ATXN10: variants seen among roughly 807,000 people sequenced by gnomAD.
ATXN10 encodes ataxin-10.
In ATXN10, 28 loss-of-function variants were observed where a neutral mutation model predicts 52.9. That is an observed-to-expected ratio of 0.53 (90% CI 0.39 to 0.73). The LOEUF (loss-of-function observed/expected upper bound fraction) is 0.73, where lower values mean the gene tolerates loss of function less well. ATXN10 is among the 30% of genes least tolerant of loss of function. ATXN10 has a pLI of 0.00. For synonymous variants in ATXN10, 226 were observed against 221.5 expected (o/e 1.02, Z -0.18); for missense variants, 565 against 577.0 (o/e 0.98, Z 0.21).
At position 45,819,808 on chromosome 22, in the gene ATXN10, T is replaced by C. The variant is rs915410380; in HGVS notation, c.1237+12786T>C. On this transcript the variant is annotated intron_variant, in intron 10 of 11. Coordinates refer to ENST00000252934, the MANE Select transcript of ATXN10 (RefSeq NM_013236.4). The surrounding 1 kb of genome is among the most constrained non-coding windows in gnomAD (Gnocchi z 4.5). ...AAAACAGCAGTGACTTTTGGATACG[T>C]TGAGAAAGTTAATACCTTTTTAAAT... 6.6e-6 allele frequency among the ~76,000 whole-genome samples: 1 copy of C among 152,244 alleles called. No homozygotes were observed. Among genetic ancestry groups the C allele is most frequent in the Non-Finnish European group, 1.5e-5 (1 of 68,054 alleles).
rs1311708053 is a variant in ATXN10 at position 45,740,727 on chromosome 22, T to TACAC, written c.1173+198_1173+201dup. ...ACACACACACACACACACATATATA[T>TACAC]ACACACACACACGTGTGTGTGTGTG... On this transcript the variant is annotated intron_variant, in intron 9 of 11. Coordinates refer to ENST00000252934, the MANE Select transcript of ATXN10 (RefSeq NM_013236.4). The TACAC allele has an allele frequency of 8.2e-5, 31 of 379,942 alleles. 1 individual carries two copies. Among genetic ancestry groups the TACAC allele is most frequent in the African/African-American group, 3.0e-4 (11 of 36,196 alleles). The allele number at this position is 379,942 out of a possible 1,614,324, so 23.5% of individuals were successfully genotyped here.
chr22:45,764,936 A>AT lies in ATXN10; in HGVS notation c.1173+24399dup, dbSNP rs148869441. ...TTCTGAACCTTTTCACATCTTCAGT[A>AT]TATGCTCTTCATTTTTCAATCAGTT... On this transcript the variant is annotated intron_variant, in intron 9 of 11. Coordinates refer to ENST00000252934, the MANE Select transcript of ATXN10 (RefSeq NM_013236.4). Among the ~76,000 whole-genome samples, 374 of 152,270 alleles carry AT rather than the reference A, an allele frequency of 2.5e-3. 1 individual carries two copies. Among genetic ancestry groups the AT allele is most frequent in the African/African-American group, 8.7e-3 (360 of 41,536 alleles).
rs371842399 is a variant in ATXN10, at chr22:45,740,402, A to C, written c.1037A>C (p.Glu346Ala). Residue 346 changes from glutamate (E) to alanine (A), a missense_variant, in exon 9 of 12, where the codon GAA (glutamate) becomes GCA (alanine). Glu to Ala is a moderately radical substitution (Grantham distance 107, BLOSUM62 -1). Transcript: ENST00000252934. ...CGGGTGATTCATGTAGCTGGAAAAG[A>C]AACCACAAACATCTTCAGTAATTGT... ...LLRVIHVAGK[E>A]TTNIFSNCGC... 1.2e-6 allele frequency: 2 copies of C among 1,613,964 alleles called. No homozygotes were observed. Among genetic ancestry groups the C allele is most frequent in the Non-Finnish European group, 1.7e-6 (2 of 1,179,910 alleles).
intron 10 of ATXN10, among the ~76,000 whole-genome samples, chr22:45,814,837 G>A (rs962619601): frequency 6.6e-6 from 1 of 152,164 alleles, no homozygotes; most frequent in Non-Finnish European, 1.5e-5. Context: ...TCATAGGAGC[G>A]TGAACCCTAT....
chr22:45,755,420 C>A (rs1000843337), intron 9 of ATXN10, among the ~76,000 whole-genome samples: 1 of 152,166 alleles, frequency 6.6e-6, no homozygotes, highest in African/African-American at 2.4e-5. Context: ...CCTCAAGAGA[C>A]CAAGGAGGAG....
At chr22:45,755,780 G>A (rs774215688) in intron 9 of ATXN10, among the ~76,000 whole-genome samples, 21 of 152,190 alleles carry the variant, frequency 1.4e-4, no homozygotes, top group Admixed American at 2.6e-4. Flanking sequence ...CTCACTGTGT[G>A]TCAGGTACTC....
rs373641794 is a variant in ATXN10 at position 45,789,614 on chromosome 22, G to A, written c.1174-17345G>A. Among the ~76,000 whole-genome samples, 3 of 152,226 alleles carry A rather than the reference G, an allele frequency of 2.0e-5. No homozygotes were observed. The highest frequency in any genetic ancestry group is 7.2e-5 in the African/African-American group (3 of 41,458). Reference sequence around the variant, plus strand: ...AGTTAGGGGTTAGTATGTTAATACAGCTCTCTCCACGACAAGAAGAAGAGA... The same window carrying A: ...AGTTAGGGGTTAGTATGTTAATACAACTCTCTCCACGACAAGAAGAAGAGA... On this transcript the variant is annotated intron_variant, in intron 9 of 11. Transcript: ENST00000252934. This position sits in a 1 kb window ranked among gnomAD's most constrained non-coding sequence, Gnocchi z 4.0.
intron 10 of ATXN10, among the ~76,000 whole-genome samples, chr22:45,836,098 G>A (rs1190954372): frequency 6.6e-6 from 1 of 152,210 alleles, no homozygotes. Context: ...GCCAAAATGG[G>A]TGGTTTGTGG....
chr22:45,686,862 G>A (rs1923163081), intron 1 of ATXN10, among the ~76,000 whole-genome samples: 1 of 152,046 alleles, frequency 6.6e-6, no homozygotes, highest in African/African-American at 2.4e-5. Context: ...CCCAGGCAGA[G>A]GATTGGGAGA....
In ATXN10 at chr22:45,766,234, T is replaced by TA. The variant is rs1447342168; in HGVS notation, c.1173+25697dup. ...GGACTGGTACTGGTCCATGGCCTGT[T>TA]AGGAACCAGGCCACACAGCTGAGCT... is the stretch of plus-strand genomic sequence containing the variant. On this transcript the variant is annotated intron_variant, in intron 9 of 11. Coordinates refer to ENST00000252934, the MANE Select transcript of ATXN10 (RefSeq NM_013236.4). This position sits in a 1 kb window ranked among gnomAD's most constrained non-coding sequence, Gnocchi z 4.6. Among the ~76,000 whole-genome samples the TA allele has an allele frequency of 1.3e-5, 2 of 152,166 alleles. No homozygotes were observed. The highest frequency in any genetic ancestry group is 2.9e-5 in the Non-Finnish European group (2 of 68,028).
rs1264009878 is a variant in ATXN10, at chr22:45,843,185, AC to A, written c.1425+10del. 1 of 1,613,658 alleles carries A rather than the reference AC, an allele frequency of 6.2e-7. No homozygotes were observed. The highest frequency in any genetic ancestry group is 1.3e-5 in the African/African-American group (1 of 74,918). On this transcript the variant is annotated splice_region_variant and intron_variant, in intron 11 of 11. Coordinates refer to ENST00000252934, the MANE Select transcript of ATXN10 (RefSeq NM_013236.4). This position sits in a 1 kb window ranked among gnomAD's most constrained non-coding sequence, Gnocchi z 4.5. ...TAGAGACACCCCTAAGCCAGTAAGT[AC>A]CCTCGAGGGAACTGTCCTTCCCTTT...
intron 6 of ATXN10, among the ~76,000 whole-genome samples, chr22:45,726,882 G>T (rs1295122109): frequency 1.3e-5 from 2 of 152,054 alleles, no homozygotes; most frequent in African/African-American, 4.8e-5. Flanking sequence ...GTATTTCACC[G>T]TGTCGCCCGG....
rs1414499454 is a variant in ATXN10 at position 45,733,897 on chromosome 22, A to T, written c.894+4307A>T. Among the ~76,000 whole-genome samples, 6 of 142,542 alleles carry T rather than the reference A, an allele frequency of 4.2e-5. No individual in the cohort carries two copies. Among genetic ancestry groups the T allele is most frequent in the Non-Finnish European group, 6.2e-5 (4 of 64,608 alleles). The allele number at this position is 142,542 out of a possible 152,430, so 93.5% of individuals were successfully genotyped here. A position where few individuals can be genotyped will look rare whatever the true frequency, so the allele number is the denominator to read the frequency against. On this transcript the variant is annotated intron_variant, in intron 7 of 11. Transcript: ENST00000252934. The surrounding 1 kb of genome is among the most constrained non-coding windows in gnomAD (Gnocchi z 4.4). Reference sequence around the variant, plus strand: ...ACACACCTATATGTTTTTTGTTTTCATTTTTTGCACTATTCTTCAACTTGC... The same window carrying T: ...ACACACCTATATGTTTTTTGTTTTCTTTTTTTGCACTATTCTTCAACTTGC...
chr22:45,746,155 GT>G (rs1317051589), intron 9 of ATXN10, among the ~76,000 whole-genome samples: 6 of 151,722 alleles, frequency 4.0e-5, no homozygotes, highest in African/African-American at 1.5e-4. Flanking sequence ...TCTGAATGCG[GT>G]TTTTTCATTA....
At position 45,795,911 on chromosome 22, in the gene ATXN10, T is replaced by G. The variant is rs533763309; in HGVS notation, c.1174-11048T>G. Among the ~76,000 whole-genome samples, 120 of 152,314 alleles carry G rather than the reference T, an allele frequency of 7.9e-4. No individual in the cohort carries two copies. Among genetic ancestry groups the G allele is most frequent in the African/African-American group, 2.6e-3 (108 of 41,570 alleles). ...TGATGATCACGTTATCTGCACAAAT[T>G]GTTTGTAAAGCATGTGTGTTTGAAC... On this transcript the variant is annotated intron_variant, in intron 9 of 11. Coordinates refer to ENST00000252934, the MANE Select transcript of ATXN10 (RefSeq NM_013236.4). This position sits in a 1 kb window ranked among gnomAD's most constrained non-coding sequence, Gnocchi z 4.6.
At position 45,795,232 on chromosome 22, in the gene ATXN10, A is replaced by G. The variant is rs2146870610; in HGVS notation, c.1174-11727A>G. Among the ~76,000 whole-genome samples the G allele has an allele frequency of 6.6e-6, 1 of 152,352 alleles. No individual in the cohort carries two copies. The highest frequency in any genetic ancestry group is 1.9e-4 in the East Asian group (1 of 5,190). ...TGCTCAGTCTCAAAAGAGTCTGGAA[A>G]ATAAGAACAAAGAATAGTGAAGACA... On this transcript the variant is annotated intron_variant, in intron 9 of 11. Transcript: ENST00000252934. The surrounding 1 kb of genome is among the most constrained non-coding windows in gnomAD (Gnocchi z 4.6).
chr22:45,694,329 A>G (rs78427713), intron 3 of ATXN10, among the ~76,000 whole-genome samples: 2 of 152,162 alleles, frequency 1.3e-5, no homozygotes. Flanking sequence ...GAAATACTTT[A>G]TGGGTAAACC....
chr22:45,738,990 G>A, intron 8 of ATXN10, 151 bp downstream of exon 8: 1 of 747,108 alleles, frequency 1.3e-6, no homozygotes, highest in Non-Finnish European at 2.3e-6. Context: ...TGTTGTAACA[G>A]TTCAGGCAGG....
intron 9 of ATXN10, among the ~76,000 whole-genome samples, chr22:45,773,367 C>T (rs890943868): frequency 6.6e-6 from 1 of 151,752 alleles, no homozygotes; most frequent in African/African-American, 2.4e-5. Flanking sequence ...CTTATTTGAT[C>T]ATGCTGTGAT....
Sources: allele counts gnomAD v4.1 joint callset (sites outside exome capture counted in the v4.1 genomes callset), GRCh38; gene constraint gnomAD v4.1.1; non-coding constraint Gnocchi (gnomAD v3.1); transcripts MANE v1.5; gene names NCBI Gene and HGNC (gene_info 2026-07-23, HGNC 2026-07-21).